Variants in FHIT observed in about 807,000 individuals in gnomAD.
FHIT encodes the protein fragile histidine triad diadenosine triphosphatase.
Under a neutral mutation model 17.9 loss-of-function variants are expected in FHIT, and 19 were observed. That is an observed-to-expected ratio of 1.06 (90% CI 0.74 to 1.56). The LOEUF (loss-of-function observed/expected upper bound fraction) is 1.56. Among genes scored for constraint, FHIT ranks in the 40% most tolerant of loss-of-function variants. The probability of loss-of-function intolerance (pLI) is 0.00; values close to 1 mark genes in which losing one functional copy is unlikely to be tolerated. For missense variants in FHIT, 248 were observed against 189.2 expected, an observed-to-expected ratio of 1.31 and a Z score of -1.82; for synonymous variants, 81 against 69.7, an observed-to-expected ratio of 1.16 and a Z score of -0.81.
intron 4 of FHIT, among the ~76,000 whole-genome samples, chr3:60,795,511 T>TG (rs1435917160): frequency 6.6e-6 from 1 of 151,562 alleles, no homozygotes; most frequent in Non-Finnish European, 1.5e-5. Context: ...GTTTTTTGTT[T>TG]TTTTTTTTTT....
rs979785460 is a variant in FHIT at position 60,706,617 on chromosome 3, G to A, written c.-18+115302C>T. 5.3e-5 allele frequency among the ~76,000 whole-genome samples: 8 copies of A among 152,164 alleles called. No homozygotes were observed. In the East Asian group the frequency reaches 7.8e-4, roughly 15 times the overall value. On this transcript the variant is annotated intron_variant, in intron 4 of 9. Transcript: ENST00000492590. ...TTAAACGTTTGGGAACAGAGAAGGC[G>A]AAACACCATGTCTGACACACTATGG...
At chr3:60,356,391 G>A (rs1157587226) in intron 5 of FHIT, among the ~76,000 whole-genome samples, 1 of 152,040 alleles carries the variant, frequency 6.6e-6, no homozygotes, top group African/African-American at 2.4e-5. Flanking sequence ...AATTTTTTAT[G>A]TTCTTCAGAC....
At chr3:60,261,049 C>T (rs2107609754) in intron 5 of FHIT, among the ~76,000 whole-genome samples, 1 of 152,182 alleles carries the variant, frequency 6.6e-6, no homozygotes, top group South Asian at 2.1e-4. Flanking sequence ...CCTTGTTCAG[C>T]ATCTAATCAA....
At chr3:61,159,346 T>G (rs547278151) in intron 2 of FHIT, among the ~76,000 whole-genome samples, 1 of 152,278 alleles carries the variant, frequency 6.6e-6, no homozygotes, top group African/African-American at 2.4e-5. Flanking sequence ...ATTATAAAAG[T>G]TCCCCTCCCT....
At chr3:60,200,287 C>G (rs1235543650) in intron 5 of FHIT, among the ~76,000 whole-genome samples, 1 of 152,100 alleles carries the variant, frequency 6.6e-6, no homozygotes, top group Non-Finnish European at 1.5e-5. Context: ...CATCCCCTTT[C>G]CACATTTTAG....
intron 5 of FHIT, among the ~76,000 whole-genome samples, chr3:60,084,319 A>G (rs1448813215): frequency 2.6e-5 from 4 of 152,188 alleles, no homozygotes; most frequent in African/African-American, 9.6e-5. Flanking sequence ...GAGTCTTAAC[A>G]GTGCTGAAAC....
intron 4 of FHIT, among the ~76,000 whole-genome samples, chr3:60,538,420 A>G (rs555255702): frequency 6.6e-6 from 1 of 152,336 alleles, no homozygotes; most frequent in African/African-American, 2.4e-5. Context: ...TACTTTCTTC[A>G]CAGAATTGGA....
At chr3:60,277,555 G>A (rs1470664154) in intron 5 of FHIT, among the ~76,000 whole-genome samples, 1 of 152,118 alleles carries the variant, frequency 6.6e-6, no homozygotes, top group Non-Finnish European at 1.5e-5. Context: ...GGGAGAAGTC[G>A]CCATTTGCTT....
At chr3:60,995,588 G>A (rs1217900496) in intron 3 of FHIT, among the ~76,000 whole-genome samples, 3 of 152,130 alleles carry the variant, frequency 2.0e-5, no homozygotes, top group Non-Finnish European at 2.9e-5. Context: ...TGGATGTTAT[G>A]CAGAATGTTT....
intron 3 of FHIT, among the ~76,000 whole-genome samples, chr3:60,963,782 T>A (rs1709577783): frequency 6.6e-6 from 1 of 152,236 alleles, no homozygotes; most frequent in Non-Finnish European, 1.5e-5. Context: ...TTGATTGCAC[T>A]GTGGTCTGAG....
At chr3:60,342,572 G>A (rs970682973) in intron 5 of FHIT, among the ~76,000 whole-genome samples, 1 of 152,168 alleles carries the variant, frequency 6.6e-6, no homozygotes, top group Admixed American at 6.6e-5. Flanking sequence ...TCAACAGCAA[G>A]ATGATTTACA....
intron 5 of FHIT, among the ~76,000 whole-genome samples, chr3:60,173,485 GA>G (rs1248715409): frequency 6.6e-6 from 1 of 151,936 alleles, no homozygotes; most frequent in Non-Finnish European, 1.5e-5. Context: ...TTATTTCAGA[GA>G]AAAAAAGTAT....
intron 5 of FHIT, among the ~76,000 whole-genome samples, chr3:60,024,726 A>C (rs557962801): frequency 9.6e-4 from 146 of 152,226 alleles, no homozygotes; most frequent in Non-Finnish European, 1.8e-3. Flanking sequence ...TAACAAGCCA[A>C]ACCAGCTAAG....
chr3:59,824,063 G>A, intron 8 of FHIT, among the ~76,000 whole-genome samples: 1 of 151,958 alleles, frequency 6.6e-6, no homozygotes, highest in African/African-American at 2.4e-5. Context: ...CAACCTAGTT[G>A]AGAATCAAAT....
chr3:60,156,384 C>T (rs764131317), intron 5 of FHIT, among the ~76,000 whole-genome samples: 5 of 151,546 alleles, frequency 3.3e-5, no homozygotes, highest in Non-Finnish European at 5.9e-5. Context: ...TAAAATTAAG[C>T]TGTCTAATTG....
At chr3:60,319,466 C>T (rs970982915) in intron 5 of FHIT, among the ~76,000 whole-genome samples, 4 of 150,440 alleles carry the variant, frequency 2.7e-5, no homozygotes, top group African/African-American at 7.3e-5. Flanking sequence ...AAAAAAACAA[C>T]GAACAGAGTA....
intron 4 of FHIT, among the ~76,000 whole-genome samples, chr3:60,539,147 T>C (rs577182447): frequency 6.6e-6 from 1 of 152,052 alleles, no homozygotes; most frequent in African/African-American, 2.4e-5. Flanking sequence ...GAACAGACAG[T>C]TCTCAAAAGA....
intron 4 of FHIT, among the ~76,000 whole-genome samples, chr3:60,754,628 T>C (rs1474964077): frequency 6.6e-6 from 1 of 151,264 alleles, no homozygotes; most frequent in East Asian, 1.9e-4. Context: ...TGAAACTCTG[T>C]CTCAAAAAAA....
Position 60,014,008 on chromosome 3 carries a change from T to C in FHIT, c.248A>G (p.Gln83Arg), listed in dbSNP as rs1559549222. The change falls in exon 6 of 10, where the codon CAG becomes CGG. Residue 83 changes from glutamine to arginine, a missense_variant and splice_region_variant. Transcript: ENST00000492590. ...FHGTSLTFSM[Q>R]DGPEAGQTVK... ...TTTCTGAGAAATCTGTACACTCACC[T>C]GCATGGAAAAGGTGAGAGAGGTCCC... The C allele has an allele frequency of 1.2e-6, 2 of 1,613,922 alleles. No homozygotes were observed. The highest frequency in any genetic ancestry group is 1.7e-6 in the Non-Finnish European group (2 of 1,179,862).
Sources: gnomAD v4.1 joint callset for allele counts (sites outside exome capture counted in the v4.1 genomes callset) on GRCh38, gnomAD v4.1.1 for gene constraint, MANE v1.5 for transcripts, NCBI Gene and HGNC (gene_info 2026-07-23, HGNC 2026-07-21) for gene names.